DSG2: variants seen among roughly 807,000 people sequenced by gnomAD.
The protein encoded by DSG2 is desmoglein 2.
A neutral mutation model predicts 75.6 loss-of-function variants in DSG2; 45 were observed. The ratio of observed to expected loss-of-function variants is 0.60; its 90% CI spans 0.47 to 0.76. The LOEUF is 0.76. Among genes scored for constraint, DSG2 ranks in the 30% least tolerant of loss-of-function variants. The pLI is 0.00. For missense variants in DSG2, 1,267 were observed against 1,357.4 expected (o/e 0.93, Z 1.05); for synonymous variants, 429 against 483.9 (o/e 0.89, Z 1.49).
At chr18:31,541,530 G>A (rs2073268088) in intron 13 of DSG2, among the ~76,000 whole-genome samples, 1 of 152,178 alleles carries the variant, frequency 6.6e-6, no homozygotes, top group South Asian at 2.1e-4. Flanking sequence ...CACTTCCCAT[G>A]TTGTAGAGAA....
chr18:31,542,863 G>C lies in DSG2; in HGVS notation c.2334+11G>C, dbSNP rs747477468. 5.5e-6 allele frequency: 4 copies of C among 733,340 alleles called. No individual in the cohort carries two copies. The highest frequency in any genetic ancestry group is 5.8e-6 in the Non-Finnish European group (3 of 518,486). 45.4% of individuals were successfully genotyped at this position (733,340 alleles called of 1,614,324 possible). ...AATTATTTCACTGATGTAAGGATGA[G>C]TTTTATGTATTGGTGGTGGGGGGTG... On this transcript the variant is annotated intron_variant, in intron 14 of 14. Coordinates refer to ENST00000261590, the MANE Select transcript of DSG2 (RefSeq NM_001943.5).
rs138616716 is a variant in DSG2, at chr18:31,526,603, G to C, written c.1014+1715G>C. Among the ~76,000 whole-genome samples the C allele has an allele frequency of 3.8e-3, 578 of 152,242 alleles. 6 individuals carry two copies. Among genetic ancestry groups the C allele is most frequent in the African/African-American group, 0.013 (552 of 41,546 alleles). On this transcript the variant is annotated intron_variant, in intron 8 of 14. Transcript: ENST00000261590. ...TCAATTTTTAAGCCATCAATTTATAGGTATGACCACGCCAGATACCTGAGA... is the reference window on the plus strand; with the variant it reads ...TCAATTTTTAAGCCATCAATTTATACGTATGACCACGCCAGATACCTGAGA...
chr18:31,542,918 T>A, intron 14 of DSG2, 66 bp downstream of exon 14: 2 of 1,043,142 alleles, frequency 1.9e-6, no homozygotes, highest in Non-Finnish European at 2.6e-6. Flanking sequence ...AATGTGATAT[T>A]ATTAGGGTAA....
intron 10 of DSG2, among the ~76,000 whole-genome samples, chr18:31,535,615 G>A (rs1207303393): frequency 1.3e-5 from 2 of 152,044 alleles, no homozygotes; most frequent in Non-Finnish European, 2.9e-5. Context: ...CCAACATGGT[G>A]AAACCCCGTC....
intron 11 of DSG2, 41 bp downstream of exon 11, chr18:31,536,470 A>C (rs369741744): frequency 7.8e-5 from 120 of 1,530,326 alleles, no homozygotes; most frequent in Non-Finnish European, 9.8e-5. Context: ...CTAAATATTA[A>C]GCATGATATC....
In DSG2 at chr18:31,548,863, TA is replaced by T. The variant is rs1429673541; in HGVS notation, c.*2121del. The T allele has an allele frequency of 6.6e-6, 1 of 152,098 alleles. No homozygotes were observed. The highest frequency in any genetic ancestry group is 1.5e-5 in the Non-Finnish European group (1 of 68,028). 9.4% of individuals were successfully genotyped at this position (152,098 alleles called of 1,614,324 possible). A position where few individuals can be genotyped will look rare whatever the true frequency, so the allele number is the denominator to read the frequency against. ...TATCTTTAGAGTGACCCTTTCCCCA[TA>T]GATTTTTATTTCTCTATTATATTTT... On this transcript the variant is annotated 3_prime_UTR_variant, in exon 15 of 15. Coordinates refer to ENST00000261590, the MANE Select transcript of DSG2 (RefSeq NM_001943.5).
At chr18:31,532,998 C>A (rs906424322) in intron 9 of DSG2, among the ~76,000 whole-genome samples, 2 of 152,110 alleles carry the variant, frequency 1.3e-5, no homozygotes, top group African/African-American at 4.8e-5. Context: ...TGAACCCTGC[C>A]TTTTTTATTT....
At chr18:31,520,503 T>G (rs141275855) in intron 3 of DSG2, among the ~76,000 whole-genome samples, 7 of 152,344 alleles carry the variant, frequency 4.6e-5, no homozygotes, top group African/African-American at 1.7e-4. Context: ...GTTCTACCCA[T>G]TTTGGTAATT....
At chr18:31,527,975 T>C (rs2144328194) in intron 8 of DSG2, among the ~76,000 whole-genome samples, 1 of 152,318 alleles carries the variant, frequency 6.6e-6, no homozygotes, top group South Asian at 2.1e-4. Context: ...AGCCCCACTC[T>C]TAATATCATC....
chr18:31,500,327 G>A (rs763560456), intron 1 of DSG2, among the ~76,000 whole-genome samples: 2 of 152,206 alleles, frequency 1.3e-5, no homozygotes, highest in Non-Finnish European at 2.9e-5. Context: ...TGCCTCTCCT[G>A]TGACCAGGAA....
chr18:31,529,199 A>T (rs1258705746), intron 8 of DSG2, among the ~76,000 whole-genome samples: 1 of 152,228 alleles, frequency 6.6e-6, no homozygotes, highest in Non-Finnish European at 1.5e-5. Context: ...ACAGAGTTGT[A>T]AAAAATAGAG....
At chr18:31,517,395 T>A (rs2073100191) in intron 1 of DSG2, among the ~76,000 whole-genome samples, 1 of 152,212 alleles carries the variant, frequency 6.6e-6, no homozygotes, top group African/African-American at 2.4e-5. Context: ...GACTATAGTT[T>A]ACAATAACCT....
Position 31,533,235 on chromosome 18 carries a change from G to A in DSG2, c.1280+1983G>A, listed in dbSNP as rs528121622. ...CTGGCATCTCAGCACTCAAGAATCCGAGGCAGGAGGATCACTTGAGGCCAG... is the reference window on the plus strand; with the variant it reads ...CTGGCATCTCAGCACTCAAGAATCCAAGGCAGGAGGATCACTTGAGGCCAG... On this transcript the variant is annotated intron_variant, in intron 9 of 14. Transcript: ENST00000261590. Among the ~76,000 whole-genome samples, 11 of 152,232 alleles carry A rather than the reference G, an allele frequency of 7.2e-5. No homozygotes were observed. In the South Asian group the frequency reaches 2.1e-3, roughly 29 times the overall value.
intron 9 of DSG2, among the ~76,000 whole-genome samples, chr18:31,533,991 CTTT>C (rs55789239): frequency 4.8e-5 from 6 of 125,934 alleles, no homozygotes; most frequent in Admixed American, 8.3e-5. Flanking sequence ...TCTTTTTTTT[CTTT>C]TTTTTTTTTT....
At chr18:31,516,988 C>T (rs181917972) in intron 1 of DSG2, among the ~76,000 whole-genome samples, 48 of 152,230 alleles carry the variant, frequency 3.2e-4, no homozygotes, top group African/African-American at 1.1e-3. Context: ...CAAATAATTG[C>T]GGTTAAAATC....
At chr18:31,530,561 G>T (rs992120666) in intron 8 of DSG2, among the ~76,000 whole-genome samples, 3 of 152,024 alleles carry the variant, frequency 2.0e-5, no homozygotes, top group Non-Finnish European at 4.4e-5. Flanking sequence ...AGGACCACAG[G>T]CACGAGCTAT....
At chr18:31,535,767 CAA>C (rs1334144976) in intron 10 of DSG2, among the ~76,000 whole-genome samples, 7 of 118,494 alleles carry the variant, frequency 5.9e-5, no homozygotes, top group African/African-American at 1.3e-4. Context: ...GACTCCAACT[CAA>C]AAAAAAAAAA....
At chr18:31,499,392 A>G (rs1020871298) in intron 1 of DSG2, among the ~76,000 whole-genome samples, 2 of 150,206 alleles carry the variant, frequency 1.3e-5, no homozygotes, top group African/African-American at 4.9e-5. Flanking sequence ...GTGTGTCTCA[A>G]AACGGAAAAA....
In DSG2 at chr18:31,499,641, T is replaced by C. The variant is rs533742830; in HGVS notation, c.45+1345T>C. Among the ~76,000 whole-genome samples, 83 of 152,322 alleles carry C rather than the reference T, an allele frequency of 5.4e-4. 1 individual carries two copies. In the South Asian group the frequency reaches 0.016, roughly 30 times the overall value. On this transcript the variant is annotated intron_variant, in intron 1 of 14. Transcript: ENST00000261590. ...TGGCAAAACAACTAATCCTGTCACCTTGATGTTTCCTTGTTTAAGGAGAAT... is the reference window on the plus strand; with the variant it reads ...TGGCAAAACAACTAATCCTGTCACCCTGATGTTTCCTTGTTTAAGGAGAAT...
Sources: allele counts gnomAD v4.1 joint callset (sites outside exome capture counted in the v4.1 genomes callset), GRCh38; gene constraint gnomAD v4.1.1; transcripts MANE v1.5; gene names NCBI Gene and HGNC (gene_info 2026-07-23, HGNC 2026-07-21).